The following UBAP2L variants were observed in gnomAD, a reference collection of about 807,000 sequenced individuals.
The protein encoded by UBAP2L is ubiquitin-associated protein 2-like.
UBAP2L carries 12 observed loss-of-function variants against 130.6 expected under a neutral mutation model. The observed-to-expected ratio is 0.09, with a 90% CI of 0.06 to 0.15. The LOEUF (loss-of-function observed/expected upper bound fraction) is 0.15, where lower values mean the gene tolerates loss of function less well. UBAP2L is among the 10% of genes least tolerant of loss of function. The pLI is 1.00. For missense variants in UBAP2L, 965 were observed against 1,332.5 expected (o/e 0.72, Z 4.29); for synonymous variants, 503 against 524.7 (o/e 0.96, Z 0.57).
intron 4 of UBAP2L, among the ~76,000 whole-genome samples, chr1:154,232,185 G>C (rs1670051004): frequency 1.3e-5 from 2 of 152,164 alleles, no homozygotes; most frequent in African/African-American, 4.8e-5. Flanking sequence ...AAATTAGCTG[G>C]GCCTGGTGGT....
chr1:154,237,297 G>T (rs188846898), intron 8 of UBAP2L, among the ~76,000 whole-genome samples, 161 bp downstream of exon 8: 10 of 152,188 alleles, frequency 6.6e-5, no homozygotes, highest in African/African-American at 2.2e-4. Flanking sequence ...TTTATGTAAC[G>T]TGCATATGGG....
intron 10 of UBAP2L, among the ~76,000 whole-genome samples, chr1:154,245,782 T>C (rs577258121): frequency 7.3e-5 from 11 of 150,250 alleles, no homozygotes; most frequent in Non-Finnish European, 1.5e-4. Flanking sequence ...TAGCCGGGCG[T>C]GGTGGCAGGC....
At chr1:154,230,098 C>T (rs1360070085) in intron 4 of UBAP2L, among the ~76,000 whole-genome samples, 1 of 152,154 alleles carries the variant, frequency 6.6e-6, no homozygotes, top group Admixed American at 6.6e-5. Context: ...ACTCTGCCTC[C>T]TGGGTTCAAG....
At chr1:154,239,055 G>A (rs777399094) in intron 8 of UBAP2L, among the ~76,000 whole-genome samples, 1 of 151,688 alleles carries the variant, frequency 6.6e-6, no homozygotes, top group African/African-American at 2.4e-5. Context: ...TTAATTTCAT[G>A]ATATGAACAT....
intron 8 of UBAP2L, 37 bp downstream of exon 8, chr1:154,237,173 G>A: frequency 1.3e-6 from 2 of 1,555,220 alleles, no homozygotes; most frequent in Non-Finnish European, 1.8e-6. Context: ...TTGTCTCTGG[G>A]AATCTAAGGA....
intron 10 of UBAP2L, 58 bp downstream of exon 10, chr1:154,243,360 AAAGAG>A: frequency 6.6e-7 from 1 of 1,524,300 alleles, no homozygotes; most frequent in Non-Finnish European, 9.0e-7. Context: ...AGATTACTGT[AAAGAG>A]AAGTGGCACT....
intron 10 of UBAP2L, among the ~76,000 whole-genome samples, chr1:154,244,702 G>A (rs1037516805): frequency 1.3e-5 from 2 of 152,108 alleles, no homozygotes; most frequent in African/African-American, 4.8e-5. Flanking sequence ...ACAGCTAAAC[G>A]GAAGAAATGA....
rs999740568 is a variant in UBAP2L at position 154,225,232 on chromosome 1, A to G, written c.90+19A>G. The G allele has an allele frequency of 1.2e-6, 2 of 1,612,520 alleles. No homozygotes were observed. Among genetic ancestry groups the G allele is most frequent in the Admixed American group, 3.3e-5 (2 of 59,958 alleles). The stretch of plus-strand genomic sequence containing the variant: ...GCCACAGGTAAATAATCCAAGGCAT[A>G]CGGATTCATGGATAGCGTTGCCTGC... On this transcript the variant is annotated intron_variant, in intron 2 of 26. Coordinates refer to ENST00000428931, the MANE Select transcript of UBAP2L (RefSeq NM_014847.4).
At chr1:154,242,460 T>A (rs1377545950) in intron 9 of UBAP2L, among the ~76,000 whole-genome samples, 1 of 152,208 alleles carries the variant, frequency 6.6e-6, no homozygotes, top group Non-Finnish European at 1.5e-5. Flanking sequence ...ATGGGCAAAT[T>A]ATGTTCCTTT....
At chr1:154,251,794 G>A in intron 14 of UBAP2L, 141 bp downstream of exon 14, 1 of 922,136 alleles carries the variant, frequency 1.1e-6, no homozygotes, top group South Asian at 1.8e-5. Flanking sequence ...CATTTTTAGT[G>A]CTTTAAAATA....
At chr1:154,230,624 G>A (rs1490919086) in intron 4 of UBAP2L, among the ~76,000 whole-genome samples, 1 of 152,058 alleles carries the variant, frequency 6.6e-6, no homozygotes, top group Non-Finnish European at 1.5e-5. Context: ...ATGTTTTTTC[G>A]CAAATCACAT....
intron 21 of UBAP2L, among the ~76,000 whole-genome samples, chr1:154,259,468 A>G (rs1280936532): frequency 6.6e-6 from 1 of 151,892 alleles, no homozygotes; most frequent in African/African-American, 2.4e-5. Context: ...CTGAGCTTAT[A>G]GGCATGAGCC....
rs1376633746 is a variant in UBAP2L at position 154,266,523 on chromosome 1, C to T, written c.2925C>T (p.Asn975=). 1.2e-6 allele frequency: 2 copies of T among 1,614,068 alleles called. No homozygotes were observed. The highest frequency in any genetic ancestry group is 1.7e-5 in the Admixed American group (1 of 59,994). ...YNTGVSVTSS[N]TGVPDISGSV... is the part of the protein sequence containing the mutation. ...CAGGTGTTTCAGTCACCTCCAGTAA[C>T]ACGGGCGTGCCAGATATCTCGGGTT... is the stretch of plus-strand genomic sequence containing the variant. Residue 975 remains asparagine, a synonymous_variant, in exon 25 of 27, where the codon AAC becomes AAT. Transcript: ENST00000428931.
rs746378930 is a variant in UBAP2L at position 154,241,544 on chromosome 1, G to A, written c.735G>A (p.Gly245=). ...SAWRTATEEW[G]TEDWNEDLSE... is the part of the protein sequence containing the mutation. ...GGAGGACTGCAACAGAGGAGTGGGG[G>A]ACTGAAGATTGGAATGAAGATGTAG... The change falls in exon 9 of 27, where the codon GGG becomes GGA. Residue 245 remains glycine, a synonymous_variant. Transcript: ENST00000428931. The A allele has an allele frequency of 1.9e-6, 3 of 1,613,840 alleles. No individual in the cohort carries two copies. Among genetic ancestry groups the A allele is most frequent in the Non-Finnish European group, 8.5e-7 (1 of 1,179,950 alleles).
chr1:154,230,833 G>A (rs1374986247), intron 4 of UBAP2L, among the ~76,000 whole-genome samples: 1 of 152,196 alleles, frequency 6.6e-6, no homozygotes, highest in Non-Finnish European at 1.5e-5. Flanking sequence ...AACTGAAGTC[G>A]CCTTTGGGAA....
At chr1:154,232,915 C>G (rs928050172) in intron 4 of UBAP2L, among the ~76,000 whole-genome samples, 1 of 152,120 alleles carries the variant, frequency 6.6e-6, no homozygotes, top group African/African-American at 2.4e-5. Context: ...CTGGGCTGGT[C>G]TCAGATTCCT....
At chr1:154,248,609 G>T (rs1029045293) in intron 11 of UBAP2L, among the ~76,000 whole-genome samples, 4 of 152,140 alleles carry the variant, frequency 2.6e-5, no homozygotes, top group African/African-American at 9.7e-5. Context: ...GAGGTCAGGA[G>T]ATCGAGACCA....
chr1:154,220,297 T>C, upstream of UBAP2L: 1 of 1,609,014 alleles, frequency 6.2e-7, no homozygotes, highest in Non-Finnish European at 8.5e-7. Context: ...GGGTCTCTAC[T>C]GGGTAAGATG....
At chr1:154,266,028 A>C (rs1489232514) in intron 24 of UBAP2L, among the ~76,000 whole-genome samples, 2 of 152,152 alleles carry the variant, frequency 1.3e-5, no homozygotes, top group Non-Finnish European at 1.5e-5. Flanking sequence ...CTGCTCCTCT[A>C]GTACTTATGC....
Sources: gnomAD v4.1 joint callset for allele counts (sites outside exome capture counted in the v4.1 genomes callset) on GRCh38, gnomAD v4.1.1 for gene constraint, MANE v1.5 for transcripts, NCBI Gene and HGNC (gene_info 2026-07-23, HGNC 2026-07-21) for gene names.